Variants in SGCG observed in about 807,000 individuals in gnomAD.
SGCG encodes the protein gamma-sarcoglycan.
SGCG carries 26 observed loss-of-function variants against 29.3 expected under a neutral mutation model. The ratio of observed to expected loss-of-function variants is 0.89; its 90% CI spans 0.65 to 1.23. The LOEUF (loss-of-function observed/expected upper bound fraction) is 1.23, where lower values mean the gene tolerates loss of function less well. SGCG is among the 50% of genes most tolerant of loss of function. SGCG has a pLI of 0.00. For synonymous variants in SGCG, 145 were observed against 129.7 expected (o/e 1.12, Z -0.80); for missense variants, 353 against 356.0 (o/e 0.99, Z 0.07).
At chr13:23,317,398 A>G (rs963982719) in intron 6 of SGCG, among the ~76,000 whole-genome samples, 11 of 152,152 alleles carry the variant, frequency 7.2e-5, no homozygotes, top group Non-Finnish European at 1.2e-4. Context: ...CCACCAGGAA[A>G]AAAGCCATGA....
intron 1 of SGCG, 131 bp from the exon 2 acceptor site, chr13:23,203,564 A>G (rs953963343): frequency 1.0e-5 from 7 of 702,406 alleles, no homozygotes; most frequent in Non-Finnish European, 1.5e-5. Context: ...AAAAATCATT[A>G]ATTTTGGAAA....
chr13:23,272,356 A>T (rs1880904659), intron 4 of SGCG, among the ~76,000 whole-genome samples: 1 of 152,216 alleles, frequency 6.6e-6, no homozygotes, highest in Admixed American at 6.5e-5. Context: ...ATGTTCATTG[A>T]TCATAAATGT....
At chr13:23,274,183 G>A (rs1292678638) in intron 4 of SGCG, among the ~76,000 whole-genome samples, 1 of 151,916 alleles carries the variant, frequency 6.6e-6, no homozygotes, top group Non-Finnish European at 1.5e-5. Flanking sequence ...AGCTCATTTA[G>A]TATTCATTTC....
intron 4 of SGCG, among the ~76,000 whole-genome samples, chr13:23,276,344 T>A (rs1158682779): frequency 6.6e-6 from 1 of 152,024 alleles, no homozygotes; most frequent in African/African-American, 2.4e-5. Flanking sequence ...TATTCACCGC[T>A]ATGCCTTTGC....
At chr13:23,205,907 C>T (rs1480264035) in intron 2 of SGCG, among the ~76,000 whole-genome samples, 1 of 152,132 alleles carries the variant, frequency 6.6e-6, no homozygotes, top group Non-Finnish European at 1.5e-5. Flanking sequence ...AATCAAAAGG[C>T]AAGATACCCA....
intron 2 of SGCG, among the ~76,000 whole-genome samples, chr13:23,209,978 A>AG (rs1566000397): frequency 6.6e-6 from 1 of 152,246 alleles, no homozygotes; most frequent in African/African-American, 2.4e-5. Flanking sequence ...CAAAGCAAAG[A>AG]GAAAAACTCT....
In SGCG at chr13:23,285,059, G is replaced by A. The variant is rs573830925; in HGVS notation, c.505+5581G>A. Among the ~76,000 whole-genome samples the A allele has an allele frequency of 2.8e-4, 42 of 152,318 alleles. No individual in the cohort carries two copies. The East Asian group carries it at 7.5e-3, about 27-fold the overall frequency. ...GGTGTCTGTCGACCCCTGCTGGGAG[G>A]TGTCTCCCAGTCAGGAGGCACAGGG... On this transcript the variant is annotated intron_variant, in intron 5 of 7. Transcript: ENST00000218867.
At chr13:23,170,663 T>C in the SGCG span, 2 of 152,310 alleles carry the variant, frequency 1.3e-5, no homozygotes, top group African/African-American at 4.8e-5. Flanking sequence ...TGACACAGCA[T>C]GTCTGTTATG....
At chr13:23,269,984 C>G (rs1015468697) in intron 4 of SGCG, among the ~76,000 whole-genome samples, 2 of 151,434 alleles carry the variant, frequency 1.3e-5, no homozygotes, top group Admixed American at 6.6e-5. Context: ...ACGCCATTCT[C>G]CTGCCTCAGC....
chr13:23,322,764 A>ACCC lies in SGCG; in HGVS notation c.703-1604_703-1603insCCC, dbSNP rs1883089987. ...GCGATGCACAGACCGCCCCCCACCC[A>ACCC]TCCACCTCCCCCCCCCCCCCCCCCC... On this transcript the variant is annotated intron_variant, in intron 7 of 7. Coordinates refer to ENST00000218867, the MANE Select transcript of SGCG (RefSeq NM_000231.3). 6.5e-3 allele frequency among the ~76,000 whole-genome samples: 76 copies of ACCC among 11,672 alleles called. 2 individuals are homozygous for ACCC. Among genetic ancestry groups the ACCC allele is most frequent in the South Asian group, 0.017 (3 of 180 alleles). The allele number at this position is 11,672 out of a possible 152,430, so 7.7% of individuals were successfully genotyped here.
chr13:23,185,301 C>T (rs1175936975), intron 1 of SGCG, among the ~76,000 whole-genome samples: 1 of 152,172 alleles, frequency 6.6e-6, no homozygotes, highest in African/African-American at 2.4e-5. Context: ...AAGCAGTTCT[C>T]CTGCCTCAGT....
At chr13:23,236,546 C>T (rs1488448388) in intron 3 of SGCG, among the ~76,000 whole-genome samples, 10 of 152,112 alleles carry the variant, frequency 6.6e-5, no homozygotes, top group Non-Finnish European at 1.2e-4. Flanking sequence ...GGCGTGGTGG[C>T]GGGCGCCTGT....
chr13:23,293,557 C>T (rs1233510409), intron 5 of SGCG, among the ~76,000 whole-genome samples: 1 of 152,126 alleles, frequency 6.6e-6, no homozygotes, highest in African/African-American at 2.4e-5. Flanking sequence ...TGGCTGGGCG[C>T]GGTGGCTCAC....
intron 4 of SGCG, among the ~76,000 whole-genome samples, chr13:23,256,988 C>A (rs1444748127): frequency 2.0e-5 from 3 of 152,178 alleles, no homozygotes; most frequent in Admixed American, 6.5e-5. Flanking sequence ...AGTTTACACT[C>A]CCACCAACGG....
rs982944455 is a variant in SGCG, at chr13:23,223,795, G to A, written c.196-10816G>A. 4.6e-5 allele frequency among the ~76,000 whole-genome samples: 7 copies of A among 152,008 alleles called. No individual in the cohort carries two copies. The East Asian group carries it at 7.7e-4, about 17-fold the overall frequency. On this transcript the variant is annotated intron_variant, in intron 2 of 7. Transcript: ENST00000218867. ...AGCCTGACCAACATGGTGAAACCCC[G>A]TCTCTACTAAAAATACAAAAATTAG... is the stretch of plus-strand genomic sequence containing the variant.
At chr13:23,273,302 AGCCTCCCAGATAGC>A (rs1880938948) in intron 4 of SGCG, among the ~76,000 whole-genome samples, 2 of 151,776 alleles carry the variant, frequency 1.3e-5, no homozygotes, top group African/African-American at 4.8e-5. Flanking sequence ...CTCCTGCCTC[AGCCTCCCAGATAGC>A]TGGGATTACA....
rs114519245 is a variant in SGCG, at chr13:23,205,435, G to C, written c.195+1546G>C. On this transcript the variant is annotated intron_variant, in intron 2 of 7. Coordinates refer to ENST00000218867, the MANE Select transcript of SGCG (RefSeq NM_000231.3). ...GTTATGCAGAAGGTTAAGAGAGGCA[G>C]TGTCCTGGGTAGGAGGCCCATGGAA... Among the ~76,000 whole-genome samples the C allele has an allele frequency of 3.2e-3, 492 of 152,340 alleles. 2 individuals carry two copies. The highest frequency in any genetic ancestry group is 0.011 in the African/African-American group (465 of 41,578).
intron 4 of SGCG, among the ~76,000 whole-genome samples, chr13:23,271,041 G>A (rs748020029): frequency 4.0e-5 from 6 of 151,890 alleles, no homozygotes; most frequent in African/African-American, 2.4e-5. Flanking sequence ...GAGAAACCCC[G>A]TCTCTATTAA....
chr13:23,234,992 C>A (rs1593188602), intron 3 of SGCG, among the ~76,000 whole-genome samples: 2 of 152,096 alleles, frequency 1.3e-5, no homozygotes, highest in African/African-American at 4.8e-5. Context: ...TTACCAAGAA[C>A]AATTTAAACT....
Sources: allele counts gnomAD v4.1 joint callset (sites outside exome capture counted in the v4.1 genomes callset), GRCh38; gene constraint gnomAD v4.1.1; transcripts MANE v1.5; gene names NCBI Gene and HGNC (gene_info 2026-07-23, HGNC 2026-07-21).